Variants in CSRNP3 observed in about 807,000 individuals in gnomAD.
The protein encoded by CSRNP3 is cysteine/serine-rich nuclear protein 3.
CSRNP3 carries 12 observed loss-of-function variants against 48.0 expected under a neutral mutation model. The ratio of observed to expected loss-of-function variants is 0.25; its 90% CI spans 0.16 to 0.41. CSRNP3 has a LOEUF of 0.41. Among genes scored for constraint, CSRNP3 ranks in the 10% least tolerant of loss-of-function variants. The pLI, the probability that CSRNP3 is intolerant of heterozygous loss-of-function variation, is 1.00. For synonymous variants in CSRNP3, 263 were observed against 269.7 expected (o/e 0.98, Z 0.24); for missense variants, 580 against 724.4 (o/e 0.80, Z 2.29).
chr2:165,595,495 G>A (rs1685795102), intron 4 of CSRNP3, among the ~76,000 whole-genome samples: 1 of 151,928 alleles, frequency 6.6e-6, no homozygotes, highest in Admixed American at 6.6e-5. Flanking sequence ...TAGTACTCTG[G>A]GAATAGATGA....
chr2:165,486,183 C>G (rs938185557), intron 1 of CSRNP3, among the ~76,000 whole-genome samples: 1 of 152,162 alleles, frequency 6.6e-6, no homozygotes, highest in African/African-American at 2.4e-5. Context: ...AAATGGGTGA[C>G]GGACGCACCT....
rs745770532 is a variant in CSRNP3 at position 165,678,865 on chromosome 2, C to T, written c.870C>T (p.Gly290=). The T allele has an allele frequency of 2.5e-6, 4 of 1,614,064 alleles. No individual in the cohort carries two copies. The South Asian group carries it at 4.4e-5, about 18-fold the overall frequency. ...NREQQIPTLN[G]CHSEISAHSS... ...AGCAGCAAATCCCCACGCTGAATGG[C>T]TGCCACAGTGAGATAAGTGCTCACA... Residue 290 remains glycine, a synonymous_variant, in exon 7 of 7, where the codon GGC becomes GGT. Transcript: ENST00000651982.
chr2:165,572,870 A>G (rs1685393829), intron 3 of CSRNP3, among the ~76,000 whole-genome samples: 1 of 152,194 alleles, frequency 6.6e-6, no homozygotes, highest in Admixed American at 6.5e-5. Flanking sequence ...TCTCCTGTGT[A>G]TGCAGAAATA....
At chr2:165,495,972 T>G (rs114440199) in intron 2 of CSRNP3, among the ~76,000 whole-genome samples, 2,400 of 152,004 alleles carry the variant, frequency 0.016, 61 homozygotes, top group African/African-American at 0.054. Flanking sequence ...TCGTACACAT[T>G]TACCCCAGAA....
intron 3 of CSRNP3, among the ~76,000 whole-genome samples, chr2:165,547,933 G>A (rs1685052980): frequency 6.6e-6 from 1 of 152,030 alleles, no homozygotes; most frequent in African/African-American, 2.4e-5. Flanking sequence ...TGGGTTTTTA[G>A]TACATCATTT....
intron 1 of CSRNP3, among the ~76,000 whole-genome samples, chr2:165,494,158 C>T (rs553951791): frequency 6.6e-6 from 1 of 152,194 alleles, no homozygotes; most frequent in South Asian, 2.1e-4. Flanking sequence ...TTCAGCCAAT[C>T]TCCTTGACAT....
At chr2:165,660,961 C>T (rs192963969) in intron 5 of CSRNP3, among the ~76,000 whole-genome samples, 1 of 152,250 alleles carries the variant, frequency 6.6e-6, no homozygotes, top group Admixed American at 6.5e-5. Context: ...AAACACATGT[C>T]ACACAAAGCT....
At chr2:165,496,565 A>G (rs976916551) in intron 2 of CSRNP3, among the ~76,000 whole-genome samples, 5 of 152,066 alleles carry the variant, frequency 3.3e-5, no homozygotes, top group African/African-American at 1.2e-4. Context: ...ACATATTTAC[A>G]TTCAAGACCC....
rs553467874 is a variant in CSRNP3, at chr2:165,684,558, C to T, written c.*4805C>T. 5.9e-5 allele frequency: 9 copies of T among 151,986 alleles called. No individual in the cohort carries two copies. The highest frequency in any genetic ancestry group is 1.9e-4 in the African/African-American group (8 of 41,414). 9.4% of individuals were successfully genotyped at this position (151,986 alleles called of 1,614,324 possible). On this transcript the variant is annotated 3_prime_UTR_variant, in exon 7 of 7. Coordinates refer to ENST00000651982, the MANE Select transcript of CSRNP3 (RefSeq NM_001172173.2). Reference sequence around the variant, plus strand: ...ACAACCAAAACCCAAAGTTTAAAGGCTTGATTACTCTATATTAGGTCTAAT... The same window carrying T: ...ACAACCAAAACCCAAAGTTTAAAGGTTTGATTACTCTATATTAGGTCTAAT...
At chr2:165,596,092 T>G (rs1247450198) in intron 4 of CSRNP3, among the ~76,000 whole-genome samples, 1 of 151,856 alleles carries the variant, frequency 6.6e-6, no homozygotes, top group Non-Finnish European at 1.5e-5. Context: ...AGTGCTGGGA[T>G]TACAGGCATG....
intron 3 of CSRNP3, among the ~76,000 whole-genome samples, chr2:165,534,820 T>G (rs1684860975): frequency 6.6e-6 from 1 of 151,902 alleles, no homozygotes. Context: ...TTAATAATAT[T>G]TATCAAACTG....
chr2:165,564,808 A>G (rs923223523), intron 3 of CSRNP3, among the ~76,000 whole-genome samples: 5 of 152,012 alleles, frequency 3.3e-5, no homozygotes, highest in Non-Finnish European at 7.4e-5. Flanking sequence ...TATTTGGGTG[A>G]TTTAAAGCTT....
chr2:165,527,974 G>GA (rs1043425188), intron 3 of CSRNP3, among the ~76,000 whole-genome samples: 86 of 151,930 alleles, frequency 5.7e-4, no homozygotes, highest in African/African-American at 2.0e-3. Flanking sequence ...AAAAGAGAGA[G>GA]AGAGAGAAAG....
intron 5 of CSRNP3, among the ~76,000 whole-genome samples, chr2:165,665,911 AAGAG>A (rs1172943795): frequency 5.8e-5 from 8 of 138,900 alleles, no homozygotes; most frequent in African/African-American, 2.2e-4. Flanking sequence ...GAAGGAAGCA[AAGAG>A]AGAGAGGAAG....
intron 3 of CSRNP3, among the ~76,000 whole-genome samples, chr2:165,549,474 G>A (rs1574832961): frequency 1.3e-5 from 2 of 152,034 alleles, no homozygotes; most frequent in East Asian, 3.9e-4. Context: ...AAACACAGGG[G>A]TCCAGTGTTT....
At chr2:165,578,990 A>G (rs915231969) in intron 3 of CSRNP3, among the ~76,000 whole-genome samples, 1 of 152,128 alleles carries the variant, frequency 6.6e-6, no homozygotes, top group African/African-American at 2.4e-5. Flanking sequence ...AGGGATTTTT[A>G]TGAAAGGGGA....
chr2:165,635,704 G>T (rs942226562), intron 4 of CSRNP3, among the ~76,000 whole-genome samples: 5 of 152,136 alleles, frequency 3.3e-5, no homozygotes, highest in Non-Finnish European at 5.9e-5. Context: ...GACTTGTTTA[G>T]TCTTTGTGTT....
intron 4 of CSRNP3, among the ~76,000 whole-genome samples, chr2:165,600,423 A>C (rs2105300731): frequency 6.6e-6 from 1 of 152,198 alleles, no homozygotes; most frequent in South Asian, 2.1e-4. Flanking sequence ...TAGCAGCATG[A>C]TTTATAGTCC....
Position 165,635,639 on chromosome 2 carries a change from A to G in CSRNP3, c.149-22122A>G, listed in dbSNP as rs561473177. On this transcript the variant is annotated intron_variant, in intron 4 of 6. Transcript: ENST00000651982. ...TTATTTATTATATTGTTTTCATATG[A>G]TATAATATTGCCTTGTCTAAAGGCA... Among the ~76,000 whole-genome samples the G allele has an allele frequency of 6.9e-4, 105 of 152,256 alleles. 1 individual carries two copies. The highest frequency in any genetic ancestry group is 2.2e-3 in the African/African-American group (90 of 41,546).
Sources: allele counts gnomAD v4.1 joint callset (sites outside exome capture counted in the v4.1 genomes callset), GRCh38; gene constraint gnomAD v4.1.1; transcripts MANE v1.5; gene names NCBI Gene and HGNC (gene_info 2026-07-23, HGNC 2026-07-21).